LRRC20: variants seen among roughly 807,000 people sequenced by gnomAD.
LRRC20 encodes leucine-rich repeat-containing protein 20.
A neutral mutation model predicts 14.4 loss-of-function variants in LRRC20; 11 were observed. That is an observed-to-expected ratio of 0.77 (90% CI 0.48 to 1.27). The LOEUF is 1.27. Among genes scored for constraint, LRRC20 ranks in the 50% most tolerant of loss-of-function variants. The pLI, the probability that LRRC20 is intolerant of heterozygous loss-of-function variation, is 0.00. For synonymous variants in LRRC20, 121 were observed against 107.3 expected (o/e 1.13, Z -0.79); for missense variants, 219 against 251.2 (o/e 0.87, Z 0.87).
intron 2 of LRRC20, among the ~76,000 whole-genome samples, chr10:70,350,566 T>C (rs1391466193): frequency 2.0e-5 from 3 of 152,164 alleles, no homozygotes; most frequent in Admixed American, 6.5e-5. Context: ...GAGCGCCTGA[T>C]TGAGCTTGCA....
chr10:70,361,816 T>C (rs182002363), intron 2 of LRRC20, among the ~76,000 whole-genome samples: 1 of 151,670 alleles, frequency 6.6e-6, no homozygotes, highest in Non-Finnish European at 1.5e-5. Flanking sequence ...ATCTCGAGGA[T>C]GAACTGGAGC....
intron 1 of LRRC20, among the ~76,000 whole-genome samples, chr10:70,380,175 T>C (rs543833803): frequency 1.3e-5 from 2 of 152,256 alleles, no homozygotes; most frequent in Admixed American, 1.3e-4. Flanking sequence ...CGTCCTATTG[T>C]GTGGGTCAGA....
At chr10:70,342,845 G>A (rs1842964550) in intron 2 of LRRC20, among the ~76,000 whole-genome samples, 1 of 151,996 alleles carries the variant, frequency 6.6e-6, no homozygotes, top group Admixed American at 6.6e-5. Flanking sequence ...TCGAACCCCA[G>A]CAGCACTCAT....
At chr10:70,378,488 CAAA>C (rs72190981) in intron 1 of LRRC20, among the ~76,000 whole-genome samples, 76 of 131,214 alleles carry the variant, frequency 5.8e-4, no homozygotes, top group African/African-American at 1.3e-3. Context: ...ACTAAAAATA[CAAA>C]AAAAAAAAAA....
In LRRC20 at chr10:70,350,128, C is replaced by T. The variant is rs974557805; in HGVS notation, c.83-9426G>A. On this transcript the variant is annotated intron_variant, in intron 2 of 4. Transcript: ENST00000446961. Reference sequence around the variant, plus strand: ...CTCCTGGCATTGGAATCATTTAGTGCTAAATGGCGGTCACAGACCCCGACA... The same window carrying T: ...CTCCTGGCATTGGAATCATTTAGTGTTAAATGGCGGTCACAGACCCCGACA... 4.0e-5 allele frequency among the ~76,000 whole-genome samples: 6 copies of T among 151,600 alleles called. No homozygotes were observed. The South Asian group carries it at 1.2e-3, about 31-fold the overall frequency.
chr10:70,351,467 G>C (rs530151678), intron 2 of LRRC20, among the ~76,000 whole-genome samples: 1 of 152,300 alleles, frequency 6.6e-6, no homozygotes, highest in South Asian at 2.1e-4. Flanking sequence ...TTAATTGTTA[G>C]AGAGTTCTTT....
chr10:70,372,739 G>A lies in LRRC20; in HGVS notation c.82+3713C>T, dbSNP rs552962404. Among the ~76,000 whole-genome samples the A allele has an allele frequency of 2.0e-5, 3 of 151,982 alleles. No homozygotes were observed. The East Asian group carries it at 5.8e-4, about 29-fold the overall frequency. On this transcript the variant is annotated intron_variant, in intron 2 of 4. Transcript: ENST00000446961. ...TTAAAGGTGTGAGCCACTGCGCCCGGCCGAGAATGTGCCAGTCTTTATTTA... is the reference window on the plus strand; with the variant it reads ...TTAAAGGTGTGAGCCACTGCGCCCGACCGAGAATGTGCCAGTCTTTATTTA...
Position 70,301,368 on chromosome 10 carries a change from C to T in LRRC20, c.541G>A (p.Ala181Thr), listed in dbSNP as rs201395385. ...AGGAGGGTGGCCTAAGGTAGGGGGG[C>T]TCTTGCGCCTTCCGGAGACATGAGC... ...DMLMSPEGARAPLP is the reference protein window; with the variant it reads ...DMLMSPEGARTPLP Residue 181 changes from alanine to threonine, a missense_variant, in exon 5 of 5, where the codon GCC becomes ACC. Ala to Thr is a moderately conservative substitution (Grantham distance 58). Coordinates refer to ENST00000446961, the MANE Select transcript of LRRC20 (RefSeq NM_001278212.2). The T allele has an allele frequency of 6.6e-5, 106 of 1,612,964 alleles. No homozygotes were observed. Among genetic ancestry groups the T allele is most frequent in the Non-Finnish European group, 6.2e-5 (73 of 1,179,832 alleles).
At chr10:70,356,109 T>C (rs1286964891) in intron 2 of LRRC20, among the ~76,000 whole-genome samples, 1 of 152,230 alleles carries the variant, frequency 6.6e-6, no homozygotes, top group Non-Finnish European at 1.5e-5. Context: ...AGAATCCAAA[T>C]TGAATCCTTT....
At chr10:70,343,966 A>G (rs1414594913) in intron 2 of LRRC20, among the ~76,000 whole-genome samples, 2 of 152,208 alleles carry the variant, frequency 1.3e-5, no homozygotes, top group Non-Finnish European at 2.9e-5. Flanking sequence ...TGGGAGACCA[A>G]AGTGGAAGGA....
At chr10:70,316,398 C>T (rs751045107) in intron 4 of LRRC20, among the ~76,000 whole-genome samples, 12 of 152,228 alleles carry the variant, frequency 7.9e-5, no homozygotes, top group Non-Finnish European at 1.3e-4. Flanking sequence ...ATACCAAAGT[C>T]CTGGGATTAC....
At chr10:70,313,867 C>A (rs1841757447) in intron 4 of LRRC20, among the ~76,000 whole-genome samples, 1 of 152,150 alleles carries the variant, frequency 6.6e-6, no homozygotes, top group South Asian at 2.1e-4. Flanking sequence ...TCTGATAAAC[C>A]AGCTGGCACC....
chr10:70,368,637 G>A (rs896175990), intron 2 of LRRC20, among the ~76,000 whole-genome samples: 17 of 151,118 alleles, frequency 1.1e-4, no homozygotes, highest in Admixed American at 1.1e-3. Flanking sequence ...TTGGCGGCAG[G>A]GGGGACTGAG....
Position 70,324,597 on chromosome 10 carries a change from G to T in LRRC20, c.233-567C>A, listed in dbSNP as rs557221636. Among the ~76,000 whole-genome samples the T allele has an allele frequency of 2.0e-5, 3 of 152,228 alleles. No individual in the cohort carries two copies. The East Asian group carries it at 5.8e-4, about 29-fold the overall frequency. On this transcript the variant is annotated intron_variant, in intron 3 of 4. Transcript: ENST00000446961. ...AAAGCTGGCCAGCGACCTGTGCAGG[G>T]ACCTGTGTGGGAAGGCAGCTGGGCC...
intron 4 of LRRC20, among the ~76,000 whole-genome samples, chr10:70,309,723 T>C (rs994931577): frequency 1.3e-5 from 2 of 152,334 alleles, no homozygotes; most frequent in Middle Eastern, 3.4e-3. Context: ...CTAAGGACCC[T>C]CCCTACTCTG....
intron 2 of LRRC20, among the ~76,000 whole-genome samples, chr10:70,355,953 C>T (rs1283431421): frequency 6.6e-6 from 1 of 152,160 alleles, no homozygotes; most frequent in Non-Finnish European, 1.5e-5. Flanking sequence ...CTGCAGAAGC[C>T]CCTGCCTCTC....
At chr10:70,341,274 G>A (rs1016551119) in intron 2 of LRRC20, among the ~76,000 whole-genome samples, 2 of 152,166 alleles carry the variant, frequency 1.3e-5, no homozygotes, top group African/African-American at 4.8e-5. Context: ...ATATGACCCA[G>A]TCACTCCACT....
intron 1 of LRRC20, among the ~76,000 whole-genome samples, chr10:70,379,878 A>G (rs1009790929): frequency 1.3e-5 from 2 of 152,184 alleles, no homozygotes; most frequent in African/African-American, 4.8e-5. Flanking sequence ...TCCACCTCAC[A>G]TCATCAGGCA....
chr10:70,319,373 C>T (rs999715711), intron 4 of LRRC20, among the ~76,000 whole-genome samples: 10 of 152,178 alleles, frequency 6.6e-5, no homozygotes, highest in African/African-American at 1.9e-4. Context: ...GCCCTACTGC[C>T]GCTGCATCCA....
Sources: gnomAD v4.1 joint callset for allele counts (sites outside exome capture counted in the v4.1 genomes callset) on GRCh38, gnomAD v4.1.1 for gene constraint, MANE v1.5 for transcripts, NCBI Gene and HGNC (gene_info 2026-07-23, HGNC 2026-07-21) for gene names.